Variants in OTUD7B observed in about 807,000 individuals in gnomAD.
OTUD7B encodes the protein OTU deubiquitinase 7B.
A neutral mutation model predicts 82.2 loss-of-function variants in OTUD7B; 34 were observed. That is an observed-to-expected ratio of 0.41 (90% CI 0.31 to 0.55). OTUD7B has a LOEUF of 0.55. OTUD7B is among the 20% of genes least tolerant of loss of function. The pLI is 0.20. For synonymous variants in OTUD7B, 398 were observed against 402.7 expected, an observed-to-expected ratio of 0.99 and a Z score of 0.14; for missense variants, 944 against 1,062.1, an observed-to-expected ratio of 0.89 and a Z score of 1.55.
chr1:149,943,372 C>G lies in OTUD7B; in HGVS notation c.*485G>C, dbSNP rs1553770898. The G allele has an allele frequency of 6.4e-6, 1 of 157,350 alleles. No homozygotes were observed. Among genetic ancestry groups the G allele is most frequent in the African/African-American group, 2.4e-5 (1 of 41,460 alleles). The allele number at this position is 157,350 out of a possible 1,614,324, so 9.7% of individuals were successfully genotyped here. ...TCCAACCTTAATTTCTAGCTTAATT[C>G]AAATCAATAGCAAATGTGTCCAATT... is the stretch of plus-strand genomic sequence containing the variant. On this transcript the variant is annotated 3_prime_UTR_variant, in exon 12 of 12. Coordinates refer to ENST00000581312, the MANE Select transcript of OTUD7B (RefSeq NM_020205.4).
the OTUD7B span, chr1:150,048,545 C>T: frequency 1.4e-5 from 2 of 148,038 alleles, no homozygotes; most frequent in African/African-American, 5.0e-5. Context: ...ATAGTGAGAC[C>T]CGATCTCTAC....
intron 1 of OTUD7B, among the ~76,000 whole-genome samples, chr1:150,006,507 A>G (rs1489792715): frequency 2.0e-5 from 3 of 152,222 alleles, no homozygotes; most frequent in Non-Finnish European, 2.9e-5. Flanking sequence ...GTCACTACAA[A>G]TAACAGTTTA....
the OTUD7B span, among the ~76,000 whole-genome samples, chr1:150,051,100 G>A: frequency 2.0e-5 from 3 of 151,478 alleles, no homozygotes; most frequent in African/African-American, 7.3e-5. Flanking sequence ...GTGGTGGCAG[G>A]AGCCTGTAAT....
the OTUD7B span, among the ~76,000 whole-genome samples, chr1:150,044,539 G>A: frequency 2.6e-5 from 4 of 151,474 alleles, no homozygotes; most frequent in Non-Finnish European, 5.9e-5. Context: ...GGGTGGTGGT[G>A]CACACCTGTA....
At chr1:149,987,798 A>G (rs1246432213) in intron 1 of OTUD7B, among the ~76,000 whole-genome samples, 1 of 152,158 alleles carries the variant, frequency 6.6e-6, no homozygotes, top group African/African-American at 2.4e-5. Flanking sequence ...TCAAGAAAAT[A>G]CCCTAAAGGG....
intron 1 of OTUD7B, among the ~76,000 whole-genome samples, chr1:150,001,261 G>A (rs191750655): frequency 6.6e-6 from 1 of 152,144 alleles, no homozygotes; most frequent in Non-Finnish European, 1.5e-5. Flanking sequence ...CTAAATGTTT[G>A]AAATATCTCA....
chr1:150,063,536 T>G, the OTUD7B span, among the ~76,000 whole-genome samples: 1 of 152,196 alleles, frequency 6.6e-6, no homozygotes, highest in South Asian at 2.1e-4. Flanking sequence ...CTACAAATGG[T>G]GAACTTATTT....
chr1:149,944,478 C>A lies in OTUD7B; in HGVS notation c.1911G>T (p.Glu637Asp). The change falls in exon 12 of 12, where the codon GAG becomes GAT. Residue 637 changes from glutamate (E) to aspartate (D), a missense_variant. By Grantham distance (45) the Glu-to-Asp change is conservative. Around this residue, in one of 3 missense-constraint regions of OTUD7B, gnomAD observed 412 missense variants for 418.7 expected, o/e 0.98. Transcript: ENST00000581312. ...MIQRYLSDAE[E>D]RFLAEQKQKE... ...TCTGCTTCTGTTCTGCCAGGAATCTCTCCTCAGCATCAGAAAGGTAGCGCT... is the reference window on the plus strand; with the variant it reads ...TCTGCTTCTGTTCTGCCAGGAATCTATCCTCAGCATCAGAAAGGTAGCGCT... 6.2e-7 allele frequency: 1 copy of A among 1,614,152 alleles called. No homozygotes were observed. Among genetic ancestry groups the A allele is most frequent in the Non-Finnish European group, 8.5e-7 (1 of 1,180,028 alleles).
the OTUD7B span, among the ~76,000 whole-genome samples, chr1:150,050,787 C>T: frequency 3.0e-4 from 45 of 152,146 alleles, no homozygotes; most frequent in South Asian, 8.9e-3. Context: ...CAAGGGCGCC[C>T]TCTGTCTGAG....
At chr1:150,036,129 T>A in the OTUD7B span, among the ~76,000 whole-genome samples, 13 of 152,094 alleles carry the variant, frequency 8.5e-5, no homozygotes, top group Non-Finnish European at 1.8e-4. Flanking sequence ...ATTTTTGTAT[T>A]TTTTTGTAGA....
At chr1:149,953,410 T>TCTGTTTTGGTACCAATACCATG (rs1285060852) in intron 7 of OTUD7B, among the ~76,000 whole-genome samples, 4 of 152,222 alleles carry the variant, frequency 2.6e-5, no homozygotes, top group African/African-American at 9.6e-5. Context: ...GGTCTATATC[T>TCTGTTTTGGTACCAATACCATG]CTGTTTTGGT....
rs782204024 is a variant in OTUD7B, at chr1:149,944,176, C to T, written c.2213G>A (p.Arg738Gln). Residue 738 changes from arginine (R) to glutamine (Q), a missense_variant, in exon 12 of 12, where the codon CGA becomes CAA. Physicochemically the swap from Arg to Gln is conservative, Grantham distance 43. Coordinates refer to ENST00000581312, the MANE Select transcript of OTUD7B (RefSeq NM_020205.4). ...ATFPRQCPPG[R>Q]PYPHQDSIPS... ...GATGCTGTCCTGGTGGGGGTAGGGTCGCCCAGGAGGGCACTGTCTGGGGAA... is the reference window on the plus strand; with the variant it reads ...GATGCTGTCCTGGTGGGGGTAGGGTTGCCCAGGAGGGCACTGTCTGGGGAA... 54 of 1,613,774 alleles carry T rather than the reference C, an allele frequency of 3.3e-5. No homozygotes were observed. The highest frequency in any genetic ancestry group is 2.0e-4 in the East Asian group (9 of 44,892).
At chr1:149,947,408 G>T (rs782283768) in intron 10 of OTUD7B, 73 bp from the exon 11 acceptor site, 7 of 854,952 alleles carry the variant, frequency 8.2e-6, no homozygotes, top group Non-Finnish European at 1.4e-5. Flanking sequence ...TGGGAGAAAG[G>T]GTGGGAGAGG....
intron 1 of OTUD7B, among the ~76,000 whole-genome samples, chr1:149,979,052 A>C (rs1269319423): frequency 6.6e-6 from 1 of 151,914 alleles, no homozygotes; most frequent in African/African-American, 2.4e-5. Flanking sequence ...GGCAAAATAG[A>C]AATTTTTCTC....
At chr1:149,993,934 T>C (rs1388019814) in intron 1 of OTUD7B, among the ~76,000 whole-genome samples, 1 of 152,196 alleles carries the variant, frequency 6.6e-6, no homozygotes, top group African/African-American at 2.4e-5. Flanking sequence ...GTACAAGTAG[T>C]ATGGGCAATG....
At chr1:149,965,918 T>C (rs781882383) in intron 4 of OTUD7B, 40 bp from the exon 5 acceptor site, 2 of 1,528,912 alleles carry the variant, frequency 1.3e-6, no homozygotes, top group Non-Finnish European at 9.1e-7. Context: ...AGATTATCCA[T>C]GAAGCCCTTC....
At chr1:150,051,234 A>AAT in the OTUD7B span, among the ~76,000 whole-genome samples, 1 of 150,566 alleles carries the variant, frequency 6.6e-6, no homozygotes, top group Non-Finnish European at 1.5e-5. Context: ...CGCCTCAAAA[A>AAT]AAAAAAAAAA....
chr1:150,049,615 T>TTCTC, the OTUD7B span, among the ~76,000 whole-genome samples: 57 of 63,202 alleles, frequency 9.0e-4, 1 homozygote, highest in South Asian at 3.2e-3. Flanking sequence ...TTTATTTTCC[T>TTCTC]TCTCTCTCTC....
At chr1:150,020,791 T>C in the OTUD7B span, among the ~76,000 whole-genome samples, 2 of 152,218 alleles carry the variant, frequency 1.3e-5, no homozygotes, top group African/African-American at 4.8e-5. Context: ...GAAAGCCAAA[T>C]AGGCCCCTAT....
Sources: allele counts gnomAD v4.1 joint callset (sites outside exome capture counted in the v4.1 genomes callset), GRCh38; gene constraint gnomAD v4.1.1; regional missense constraint gnomAD v4.1.1; transcripts MANE v1.5; gene names NCBI Gene and HGNC (gene_info 2026-07-23, HGNC 2026-07-21).